Variants in CACNA2D3 observed in about 807,000 individuals in gnomAD.
CACNA2D3 encodes calcium voltage-gated channel auxiliary subunit alpha2delta 3.
Under a neutral mutation model 160.6 loss-of-function variants are expected in CACNA2D3, and 60 were observed. The ratio of observed to expected loss-of-function variants is 0.37; its 90% CI spans 0.30 to 0.46. The LOEUF (loss-of-function observed/expected upper bound fraction) is 0.46. Ranked by LOEUF, CACNA2D3 falls within the 20% of genes least tolerant of loss-of-function variation. CACNA2D3 has a pLI of 1.00. For missense variants in CACNA2D3, 1,205 were observed against 1,365.0 expected, an observed-to-expected ratio of 0.88 and a Z score of 1.85; for synonymous variants, 558 against 492.9, an observed-to-expected ratio of 1.13 and a Z score of -1.75.
At chr3:54,443,894 T>C (rs1278517622) in intron 4 of CACNA2D3, among the ~76,000 whole-genome samples, 1 of 152,136 alleles carries the variant, frequency 6.6e-6, no homozygotes. Flanking sequence ...GCTGTTTTGT[T>C]TTGTTGGGAA....
intron 2 of CACNA2D3, among the ~76,000 whole-genome samples, chr3:54,289,168 A>G (rs551266080): frequency 2.0e-5 from 3 of 152,336 alleles, no homozygotes; most frequent in East Asian, 1.9e-4. Context: ...CCATCATCTC[A>G]GCCCAAAATC....
intron 4 of CACNA2D3, among the ~76,000 whole-genome samples, chr3:54,389,751 A>G (rs1165752110): frequency 6.6e-6 from 1 of 152,256 alleles, no homozygotes; most frequent in Non-Finnish European, 1.5e-5. Context: ...GTCTTCAAAA[A>G]TGCCAAGATC....
At chr3:54,746,539 G>C (rs1429535717) in intron 11 of CACNA2D3, among the ~76,000 whole-genome samples, 1 of 152,140 alleles carries the variant, frequency 6.6e-6, no homozygotes, top group African/African-American at 2.4e-5. Flanking sequence ...CTAATACGGA[G>C]GCTGCCACTT....
intron 2 of CACNA2D3, among the ~76,000 whole-genome samples, chr3:54,258,511 C>A (rs973026044): frequency 5.3e-5 from 8 of 152,268 alleles, no homozygotes; most frequent in African/African-American, 1.4e-4. Flanking sequence ...GAATGAAGTT[C>A]AAGTAAGAGT....
At chr3:54,547,767 C>G (rs1336380907) in intron 5 of CACNA2D3, among the ~76,000 whole-genome samples, 7 of 146,532 alleles carry the variant, frequency 4.8e-5, no homozygotes, top group Non-Finnish European at 7.4e-5. Context: ...TCACTGCAAC[C>G]TCAAACTCCT....
chr3:54,782,865 A>G (rs1202697319), intron 13 of CACNA2D3, among the ~76,000 whole-genome samples: 1 of 152,182 alleles, frequency 6.6e-6, no homozygotes, highest in Non-Finnish European at 1.5e-5. Flanking sequence ...ACGGTGGAGT[A>G]GGGCAGGTGT....
intron 13 of CACNA2D3, among the ~76,000 whole-genome samples, chr3:54,792,729 C>T (rs768374498): frequency 2.0e-5 from 3 of 152,128 alleles, no homozygotes; most frequent in Non-Finnish European, 4.4e-5. Flanking sequence ...TGCCCACACT[C>T]AGGGATTTTA....
chr3:54,925,135 A>G (rs1023063652), intron 27 of CACNA2D3: 2 of 1,614,144 alleles, frequency 1.2e-6, no homozygotes, highest in Non-Finnish European at 8.5e-7. Context: ...AAATTTGTAG[A>G]TGACTGACAG....
chr3:54,148,070 T>C (rs1700069822), intron 2 of CACNA2D3, among the ~76,000 whole-genome samples: 1 of 152,242 alleles, frequency 6.6e-6, no homozygotes, highest in Admixed American at 6.5e-5. Flanking sequence ...GTGCTGGGAT[T>C]ACAGGCGTGA....
intron 35 of CACNA2D3, among the ~76,000 whole-genome samples, chr3:55,033,754 T>TATATTTTATATAATATATATTATATA: frequency 1.1e-5 from 1 of 92,880 alleles, no homozygotes; most frequent in South Asian, 3.4e-4. Flanking sequence ...TATATTATAT[T>TATATTTTATATAATATATATTATATA]AAATATATAT....
chr3:54,481,683 C>CT (rs1700935687), intron 4 of CACNA2D3, among the ~76,000 whole-genome samples: 1 of 152,208 alleles, frequency 6.6e-6, no homozygotes, highest in Non-Finnish European at 1.5e-5. Flanking sequence ...CTACAGGCAA[C>CT]TCTATCACTA....
At chr3:54,454,448 T>C (rs1370402882) in intron 4 of CACNA2D3, among the ~76,000 whole-genome samples, 1 of 152,142 alleles carries the variant, frequency 6.6e-6, no homozygotes, top group Non-Finnish European at 1.5e-5. Flanking sequence ...TTGCATATGG[T>C]ATTTCAAAAA....
intron 2 of CACNA2D3, among the ~76,000 whole-genome samples, chr3:54,181,090 A>C (rs983338757): frequency 1.3e-5 from 2 of 152,216 alleles, no homozygotes; most frequent in African/African-American, 4.8e-5. Flanking sequence ...GCCTGAGTGG[A>C]AACAGCTGAC....
intron 4 of CACNA2D3, 37 bp downstream of exon 4, chr3:54,386,811 G>A: frequency 1.3e-6 from 2 of 1,537,394 alleles, no homozygotes; most frequent in Non-Finnish European, 1.8e-6. Context: ...TGTTTTGTGT[G>A]TTTCCTGCCA....
intron 4 of CACNA2D3, among the ~76,000 whole-genome samples, chr3:54,414,604 C>T (rs1303310179): frequency 1.3e-5 from 2 of 152,016 alleles, no homozygotes; most frequent in African/African-American, 2.4e-5. Context: ...TTCCTAATTG[C>T]ATGAATAATG....
intron 11 of CACNA2D3, among the ~76,000 whole-genome samples, chr3:54,735,122 T>C (rs1404119080): frequency 6.6e-6 from 1 of 152,234 alleles, no homozygotes; most frequent in African/African-American, 2.4e-5. Flanking sequence ...CAAAGCTGTA[T>C]TGACAATGAA....
intron 17 of CACNA2D3, among the ~76,000 whole-genome samples, chr3:54,868,362 C>G (rs577658091): frequency 2.6e-5 from 4 of 152,136 alleles, no homozygotes; most frequent in Non-Finnish European, 4.4e-5. Context: ...TCCCTACCCC[C>G]GATCTGTATC....
At chr3:54,285,599 CAG>C (rs1472630578) in intron 2 of CACNA2D3, among the ~76,000 whole-genome samples, 2 of 152,222 alleles carry the variant, frequency 1.3e-5, no homozygotes, top group African/African-American at 4.8e-5. Context: ...TCCCAGCACA[CAG>C]CTGGAGATCT....
intron 27 of CACNA2D3, among the ~76,000 whole-genome samples, chr3:54,940,322 C>T (rs565769191): frequency 1.8e-4 from 28 of 152,302 alleles, no homozygotes; most frequent in South Asian, 4.1e-4. Context: ...CAACTGTCTT[C>T]TAAAAATATA....
Sources: gnomAD v4.1 joint callset for allele counts (sites outside exome capture counted in the v4.1 genomes callset) on GRCh38, gnomAD v4.1.1 for gene constraint, MANE v1.5 for transcripts, NCBI Gene and HGNC (gene_info 2026-07-23, HGNC 2026-07-21) for gene names.